The following FBXL7 variants were observed in gnomAD, a reference collection of about 807,000 sequenced individuals.
FBXL7 encodes the protein F-box and leucine rich repeat protein 7, also known as F-box/LRR-repeat protein 7.
In FBXL7, 12 loss-of-function variants were observed where a neutral mutation model predicts 38.3. The ratio of observed to expected loss-of-function variants is 0.31; its 90% CI spans 0.20 to 0.51. The LOEUF is 0.51. FBXL7 is among the 20% of genes least tolerant of loss of function. The pLI is 0.98. For synonymous variants in FBXL7, 297 were observed against 300.9 expected (o/e 0.99, Z 0.13); for missense variants, 567 against 676.4 (o/e 0.84, Z 1.79).
chr5:15,567,392 A>G (rs189826993), intron 1 of FBXL7, among the ~76,000 whole-genome samples: 1 of 152,214 alleles, frequency 6.6e-6, no homozygotes, highest in East Asian at 1.9e-4. Context: ...CAAGCTGTAA[A>G]GTAGAATATT....
chr5:15,637,715 G>A (rs2126550942), intron 2 of FBXL7, among the ~76,000 whole-genome samples: 1 of 152,280 alleles, frequency 6.6e-6, no homozygotes, highest in Admixed American at 6.5e-5. Context: ...AAGAAGGACT[G>A]GAACAGAGAA....
intron 2 of FBXL7, among the ~76,000 whole-genome samples, chr5:15,846,931 T>C (rs1385167832): frequency 6.6e-6 from 1 of 152,080 alleles, no homozygotes; most frequent in Admixed American, 6.5e-5. Flanking sequence ...TTAAAAATTA[T>C]AAGAAAAAAA....
intron 2 of FBXL7, among the ~76,000 whole-genome samples, chr5:15,702,197 C>T (rs1342749243): frequency 6.7e-6 from 1 of 149,658 alleles, no homozygotes; most frequent in Non-Finnish European, 1.5e-5. Flanking sequence ...GAGATTGCGC[C>T]ACTGCATTCC....
At chr5:15,640,530 T>TTG in intron 2 of FBXL7, among the ~76,000 whole-genome samples, 1 of 142,300 alleles carries the variant, frequency 7.0e-6, no homozygotes, top group East Asian at 2.1e-4. Flanking sequence ...TTGTTTTTTT[T>TTG]TGTTTTTTTT....
At chr5:15,873,762 A>C (rs1740076407) in intron 2 of FBXL7, among the ~76,000 whole-genome samples, 1 of 152,178 alleles carries the variant, frequency 6.6e-6, no homozygotes, top group African/African-American at 2.4e-5. Flanking sequence ...TCTGAAATTG[A>C]GGCAGCAATT....
At chr5:15,525,549 C>T (rs922367863) in intron 1 of FBXL7, among the ~76,000 whole-genome samples, 1 of 152,040 alleles carries the variant, frequency 6.6e-6, no homozygotes, top group Non-Finnish European at 1.5e-5. Context: ...CCTTAGCCAA[C>T]TTATCTTGCT....
chr5:15,672,680 A>G (rs564668568), intron 2 of FBXL7, among the ~76,000 whole-genome samples: 49 of 150,844 alleles, frequency 3.2e-4, no homozygotes, highest in African/African-American at 1.1e-3. Context: ...TCAGCCTCCC[A>G]AGTAGCTGAG....
intron 2 of FBXL7, among the ~76,000 whole-genome samples, chr5:15,911,457 G>A (rs1472734241): frequency 7.1e-6 from 1 of 140,016 alleles, no homozygotes; most frequent in Admixed American, 6.7e-5. Flanking sequence ...CAACTTCTTT[G>A]CCTTTGGTTT....
At chr5:15,864,399 C>T (rs1442190042) in intron 2 of FBXL7, among the ~76,000 whole-genome samples, 2 of 151,260 alleles carry the variant, frequency 1.3e-5, no homozygotes, top group African/African-American at 4.9e-5. Context: ...AATTGTAAAT[C>T]AAACTTTTTT....
chr5:15,668,319 C>T (rs1384420737), intron 2 of FBXL7, among the ~76,000 whole-genome samples: 1 of 151,858 alleles, frequency 6.6e-6, no homozygotes, highest in East Asian at 1.9e-4. Context: ...ATGTCAAAAC[C>T]TCTATTAGCT....
At chr5:15,817,556 A>T (rs533177132) in intron 2 of FBXL7, among the ~76,000 whole-genome samples, 7 of 152,238 alleles carry the variant, frequency 4.6e-5, no homozygotes, top group African/African-American at 1.4e-4. Flanking sequence ...TGTAGTTCCT[A>T]TTACCCACCA....
chr5:15,598,363 A>T (rs182515374), intron 1 of FBXL7, among the ~76,000 whole-genome samples: 3 of 152,328 alleles, frequency 2.0e-5, no homozygotes, highest in Non-Finnish European at 2.9e-5. Context: ...GTCTAAAATT[A>T]AAAAATGCTC....
intron 1 of FBXL7, among the ~76,000 whole-genome samples, chr5:15,517,132 T>C (rs1736965342): frequency 6.6e-6 from 1 of 152,044 alleles, no homozygotes; most frequent in Non-Finnish European, 1.5e-5. Context: ...GTTCACGCCA[T>C]TCTCCTGCCT....
chr5:15,854,328 A>C (rs180753493), intron 2 of FBXL7, among the ~76,000 whole-genome samples: 2 of 152,360 alleles, frequency 1.3e-5, no homozygotes, highest in East Asian at 3.9e-4. Flanking sequence ...AGGTGAAAAA[A>C]AATCAAATTC....
intron 2 of FBXL7, among the ~76,000 whole-genome samples, chr5:15,890,138 C>G (rs989367186): frequency 6.6e-6 from 1 of 152,058 alleles, no homozygotes; most frequent in Non-Finnish European, 1.5e-5. Flanking sequence ...AGACCACTAC[C>G]GGTCTGTGGC....
intron 2 of FBXL7, among the ~76,000 whole-genome samples, chr5:15,635,512 C>T (rs576973207): frequency 1.3e-5 from 2 of 152,228 alleles, no homozygotes; most frequent in South Asian, 4.1e-4. Context: ...AATTGATGAC[C>T]CTGCTCCATG....
intron 1 of FBXL7, among the ~76,000 whole-genome samples, chr5:15,547,570 T>G (rs1451166220): frequency 6.6e-6 from 1 of 152,206 alleles, no homozygotes; most frequent in Non-Finnish European, 1.5e-5. Context: ...CATTGTGAGC[T>G]GGTTGCTCCA....
chr5:15,710,205 T>C (rs921367055), intron 2 of FBXL7, among the ~76,000 whole-genome samples: 1 of 152,170 alleles, frequency 6.6e-6, no homozygotes, highest in Non-Finnish European at 1.5e-5. Flanking sequence ...GCAATGTCCT[T>C]GCAATACGGA....
chr5:15,633,955 A>G (rs1741086802), intron 2 of FBXL7, among the ~76,000 whole-genome samples: 3 of 151,300 alleles, frequency 2.0e-5, no homozygotes, highest in African/African-American at 7.3e-5. Context: ...TAATTTTTGT[A>G]TTTTTAGTAG....
Sources: gnomAD v4.1 joint callset for allele counts (sites outside exome capture counted in the v4.1 genomes callset) on GRCh38, gnomAD v4.1.1 for gene constraint, MANE v1.5 for transcripts, NCBI Gene and HGNC (gene_info 2026-07-23, HGNC 2026-07-21) for gene names.